Variants in LDB3 observed in about 807,000 individuals in gnomAD.
LDB3 encodes the protein LIM domain binding 3.
Under a neutral mutation model 69.0 loss-of-function variants are expected in LDB3, and 49 were observed. That is an observed-to-expected ratio of 0.71 (90% CI 0.56 to 0.90). The LOEUF (loss-of-function observed/expected upper bound fraction) is 0.90, where lower values mean the gene tolerates loss of function less well. LDB3 is among the 40% of genes least tolerant of loss of function. The probability of loss-of-function intolerance (pLI) is 0.00; values close to 1 mark genes in which losing one functional copy is unlikely to be tolerated. For missense variants in LDB3, 928 were observed against 974.1 expected, an observed-to-expected ratio of 0.95 and a Z score of 0.63; for synonymous variants, 387 against 396.2, an observed-to-expected ratio of 0.98 and a Z score of 0.28.
At chr10:86,706,142 G>C (rs1032595165) in intron 7 of LDB3, among the ~76,000 whole-genome samples, 1 of 152,018 alleles carries the variant, frequency 6.6e-6, no homozygotes, top group African/African-American at 2.4e-5. Context: ...CATGCCCCCT[G>C]ACTGAATGGG....
chr10:86,725,766 T>G (rs1365182518), intron 12 of LDB3, among the ~76,000 whole-genome samples: 1 of 152,188 alleles, frequency 6.6e-6, no homozygotes, highest in Non-Finnish European at 1.5e-5. Context: ...GGACCCACAT[T>G]CTTCCAAACT....
At chr10:86,726,002 A>G in intron 12 of LDB3, 135 bp from the exon 13 acceptor site, 1 of 693,422 alleles carries the variant, frequency 1.4e-6, no homozygotes, top group Admixed American at 2.0e-5. Flanking sequence ...GTAACTGAGT[A>G]TTTCATCTGT....
rs901546624 is a variant in LDB3, at chr10:86,672,593, G to C, written c.93+3809G>C. Among the ~76,000 whole-genome samples, 4 of 152,094 alleles carry C rather than the reference G, an allele frequency of 2.6e-5. No homozygotes were observed. In the East Asian group the frequency reaches 7.8e-4, roughly 30 times the overall value. ...CGCACTGAAGGTCAGGCAAGCCTCC[G>C]AGGGCTTCAGTGGGGCTGGCAGGGG... On this transcript the variant is annotated intron_variant, in intron 2 of 13. Coordinates refer to ENST00000361373, the MANE Select transcript of LDB3 (RefSeq NM_007078.3).
rs1324226901 is a variant in LDB3, at chr10:86,733,859, G to C, written c.*883G>C. The C allele has an allele frequency of 3.3e-5, 5 of 152,204 alleles. No individual in the cohort carries two copies. The highest frequency in any genetic ancestry group is 5.9e-5 in the Non-Finnish European group (4 of 68,078). The allele number at this position is 152,204 out of a possible 1,614,324, so 9.4% of individuals were successfully genotyped here. ...AAGGGTTCGTTAGCATGAGTGTCCA[G>C]TCGTGTGCATGAATTTCACCCCAAC... On this transcript the variant is annotated 3_prime_UTR_variant, in exon 14 of 14. Transcript: ENST00000361373.
At chr10:86,697,356 G>A (rs1352407890) in intron 7 of LDB3, among the ~76,000 whole-genome samples, 1 of 150,826 alleles carries the variant, frequency 6.6e-6, no homozygotes, top group Non-Finnish European at 1.5e-5. Flanking sequence ...TGAGTAGCTG[G>A]GATTACAGGC....
intron 12 of LDB3, among the ~76,000 whole-genome samples, chr10:86,724,716 T>C (rs1367943022): frequency 1.3e-5 from 2 of 152,196 alleles, no homozygotes; most frequent in Non-Finnish European, 2.9e-5. Context: ...GGAGGCATAA[T>C]GGCACTCAAA....
chr10:86,713,819 C>T (rs904560901), intron 9 of LDB3, among the ~76,000 whole-genome samples: 1 of 152,224 alleles, frequency 6.6e-6, no homozygotes, highest in East Asian at 1.9e-4. Context: ...CAGCAGGTCC[C>T]CAGCATGCCC....
chr10:86,668,587 G>A lies in LDB3; in HGVS notation c.-24+17G>A, dbSNP rs935581998. On this transcript the variant is annotated intron_variant, in intron 1 of 13. Transcript: ENST00000361373. ...ACAGAACAGGCAAGGCTGGGGGTCAGGGGCAGGGGCAGAGGTGTGGACCGG... is the reference window on the plus strand; with the variant it reads ...ACAGAACAGGCAAGGCTGGGGGTCAAGGGCAGGGGCAGAGGTGTGGACCGG... The A allele has an allele frequency of 1.6e-5, 15 of 918,164 alleles. No individual in the cohort carries two copies. The highest frequency in any genetic ancestry group is 2.7e-5 in the Non-Finnish European group (15 of 553,054). 56.9% of individuals were successfully genotyped at this position (918,164 alleles called of 1,614,324 possible).
intron 5 of LDB3, among the ~76,000 whole-genome samples, chr10:86,685,132 G>C (rs1359944299): frequency 6.6e-6 from 1 of 152,170 alleles, no homozygotes; most frequent in Admixed American, 6.5e-5. Context: ...GGGAGGGAGA[G>C]GAGGTCAGGT....
intron 13 of LDB3, among the ~76,000 whole-genome samples, chr10:86,727,007 C>G (rs1268490318): frequency 6.7e-6 from 1 of 148,350 alleles, no homozygotes; most frequent in Admixed American, 6.8e-5. Context: ...TGCCTAATCT[C>G]GATTTGAGAA....
At chr10:86,685,414 C>T (rs1845413311) in intron 5 of LDB3, among the ~76,000 whole-genome samples, 1 of 152,208 alleles carries the variant, frequency 6.6e-6, no homozygotes, top group Admixed American at 6.5e-5. Flanking sequence ...CAAGAAAACC[C>T]TTCTTCTGGC....
chr10:86,682,013 G>A (rs775111631), intron 5 of LDB3, among the ~76,000 whole-genome samples: 1 of 152,216 alleles, frequency 6.6e-6, no homozygotes, highest in Non-Finnish European at 1.5e-5. Context: ...GTGACATGTC[G>A]GATTTTGCAG....
chr10:86,718,459 A>G (rs970720755), intron 11 of LDB3, among the ~76,000 whole-genome samples: 1 of 152,198 alleles, frequency 6.6e-6, no homozygotes. Context: ...GGTAAATGAC[A>G]GTAATAAGCA....
chr10:86,732,663 CT>C (rs1339982577), intron 13 of LDB3: 20 of 521,988 alleles, frequency 3.8e-5, no homozygotes, highest in Non-Finnish European at 7.2e-5. Context: ...CAACATGCCC[CT>C]GGCTAATTTT....
chr10:86,682,715 A>G (rs376666865), intron 5 of LDB3, among the ~76,000 whole-genome samples: 1 of 152,180 alleles, frequency 6.6e-6, no homozygotes, highest in South Asian at 2.1e-4. Context: ...TCCATGTCTC[A>G]GGGTTATTGG....
At position 86,706,530 on chromosome 10, in the gene LDB3, G is replaced by A. The variant is rs1218738405; in HGVS notation, c.897-1G>A. On this transcript the variant is annotated splice_acceptor_variant, in intron 7 of 13. Transcript: ENST00000361373. LOFTEE classifies it high-confidence loss of function. ...TTGTCTTTTTGGTCCCGCCTCATCA[G>A]CACCCCTATTGAGCATGCGCCGGTG... is the stretch of plus-strand genomic sequence containing the variant. 6.2e-7 allele frequency: 1 copy of A among 1,612,140 alleles called. No individual in the cohort carries two copies. The highest frequency in any genetic ancestry group is 8.5e-7 in the Non-Finnish European group (1 of 1,179,890).
chr10:86,703,264 C>T (rs1261969986), intron 7 of LDB3, among the ~76,000 whole-genome samples: 1 of 152,190 alleles, frequency 6.6e-6, no homozygotes, highest in Non-Finnish European at 1.5e-5. Context: ...CCTGAGCCGT[C>T]CCAGGCCATA....
chr10:86,726,418 A>G (rs1650972040), intron 13 of LDB3, 166 bp downstream of exon 13: 3 of 667,770 alleles, frequency 4.5e-6, no homozygotes, highest in Admixed American at 2.2e-5. Flanking sequence ...ACAGTCGAAC[A>G]AAGTTTCATT....
intron 2 of LDB3, 101 bp from the exon 3 acceptor site, chr10:86,679,266 C>T (rs1262024038): frequency 4.8e-5 from 68 of 1,429,760 alleles, no homozygotes; most frequent in Admixed American, 1.0e-4. Flanking sequence ...AACACAATGA[C>T]GGCTTCTGTT....
Sources: allele counts gnomAD v4.1 joint callset (sites outside exome capture counted in the v4.1 genomes callset), GRCh38; gene constraint gnomAD v4.1.1; transcripts MANE v1.5; gene names NCBI Gene and HGNC (gene_info 2026-07-23, HGNC 2026-07-21).